TPRG1: variants seen among roughly 807,000 people sequenced by gnomAD.
The protein encoded by TPRG1 is tumor protein p63-regulated gene 1 protein.
TPRG1 carries 29 observed loss-of-function variants against 29.3 expected under a neutral mutation model. The ratio of observed to expected loss-of-function variants is 0.99; its 90% CI spans 0.74 to 1.35. TPRG1 has a LOEUF of 1.35. Among genes scored for constraint, TPRG1 ranks in the 40% most tolerant of loss-of-function variants. TPRG1 has a pLI of 0.00. For missense variants in TPRG1, 327 were observed against 335.0 expected (o/e 0.98, Z 0.19); for synonymous variants, 130 against 116.8 (o/e 1.11, Z -0.73).
At chr3:189,226,365 TA>T (rs546125380) in intron 3 of TPRG1, among the ~76,000 whole-genome samples, 25 of 151,528 alleles carry the variant, frequency 1.6e-4, no homozygotes, top group South Asian at 1.3e-3. Flanking sequence ...AAATAAATAA[TA>T]AAAAAAATAG....
At chr3:189,040,449 C>T (rs1220993654) in intron 4 of TPRG1, among the ~76,000 whole-genome samples, 2 of 152,040 alleles carry the variant, frequency 1.3e-5, no homozygotes, top group Non-Finnish European at 2.9e-5. Flanking sequence ...TGGTATTCCC[C>T]ATGGATGGTG....
chr3:189,119,029 C>T (rs1721514830), intron 1 of TPRG1, among the ~76,000 whole-genome samples: 2 of 152,226 alleles, frequency 1.3e-5, no homozygotes, highest in Non-Finnish European at 2.9e-5. Context: ...AAGCCACAGG[C>T]ACTCAGTGGC....
At chr3:189,283,791 C>T (rs1012420708) in intron 4 of TPRG1, among the ~76,000 whole-genome samples, 3 of 152,138 alleles carry the variant, frequency 2.0e-5, no homozygotes, top group East Asian at 1.9e-4. Flanking sequence ...ATCAGAAAAA[C>T]GTGAGGCACG....
At chr3:189,098,750 A>G (rs1044291768), upstream of TPRG1, among the ~76,000 whole-genome samples, 1 of 152,140 alleles carries the variant, frequency 6.6e-6, no homozygotes, top group Non-Finnish European at 1.5e-5. Flanking sequence ...ATTCTAAACT[A>G]ATTTCCAAGC....
rs1025304154 is a variant in TPRG1 at position 189,312,121 on chromosome 3, C to G, written c.633+1582C>G. On this transcript the variant is annotated intron_variant, in intron 5 of 5. Coordinates refer to ENST00000345063, the MANE Select transcript of TPRG1 (RefSeq NM_198485.4). ...TGTTTCTTTGTTTCTTTCTTTGTTTCTTTCTTTCTTTCTTTCTTTCTTTCT... is the reference window on the plus strand; with the variant it reads ...TGTTTCTTTGTTTCTTTCTTTGTTTGTTTCTTTCTTTCTTTCTTTCTTTCT... Among the ~76,000 whole-genome samples the G allele has an allele frequency of 1.3e-3, 45 of 35,118 alleles. 1 individual carries two copies. Among genetic ancestry groups the G allele is most frequent in the African/African-American group, 4.3e-3 (33 of 7,628 alleles). 23.0% of individuals were successfully genotyped at this position (35,118 alleles called of 152,430 possible).
At chr3:189,137,722 T>G (rs1402943151) in intron 3 of TPRG1, among the ~76,000 whole-genome samples, 1 of 152,174 alleles carries the variant, frequency 6.6e-6, no homozygotes, top group Non-Finnish European at 1.5e-5. Flanking sequence ...TCCGCATGTC[T>G]ACAACACTTT....
At chr3:189,112,189 G>T (rs1238004091) in intron 1 of TPRG1, among the ~76,000 whole-genome samples, 3 of 152,056 alleles carry the variant, frequency 2.0e-5, no homozygotes, top group African/African-American at 7.2e-5. Context: ...ATAGGCTATT[G>T]AATTTTATTT....
intron 5 of TPRG1, among the ~76,000 whole-genome samples, chr3:189,317,299 G>A (rs1203626323): frequency 1.3e-5 from 2 of 152,164 alleles, no homozygotes; most frequent in Admixed American, 6.5e-5. Flanking sequence ...TAATGATGAT[G>A]AGGATGATGT....
chr3:189,098,569 C>A (rs1343322050), upstream of TPRG1, among the ~76,000 whole-genome samples: 1 of 152,062 alleles, frequency 6.6e-6, no homozygotes, highest in Non-Finnish European at 1.5e-5. Context: ...TGAGTAAAAT[C>A]TTGGGTGTTC....
In TPRG1 at chr3:189,014,869, A is replaced by G. The variant is rs74687346; in HGVS notation, c.-659-8881A>G. ...CTTCATAAATTACTCAGTCTCAGGT[A>G]GTACTTTATAGCAGTGAGAAAATGG... On this transcript the variant is annotated intron_variant, in intron 3 of 10. Transcript: ENST00000433971. Among the ~76,000 whole-genome samples, 1,273 of 152,250 alleles carry G rather than the reference A, an allele frequency of 8.4e-3. 25 individuals are homozygous for G. Among genetic ancestry groups the G allele is most frequent in the African/African-American group, 0.029 (1,209 of 41,538 alleles).
intron 3 of TPRG1, among the ~76,000 whole-genome samples, chr3:189,010,382 C>T (rs1453266354): frequency 6.6e-6 from 1 of 152,192 alleles, no homozygotes; most frequent in Non-Finnish European, 1.5e-5. Flanking sequence ...AATGGCTGAG[C>T]TAATTCACAC....
At chr3:189,262,666 C>T (rs1378453621) in intron 4 of TPRG1, among the ~76,000 whole-genome samples, 1 of 152,186 alleles carries the variant, frequency 6.6e-6, no homozygotes, top group African/African-American at 2.4e-5. Context: ...TGCTATGTTT[C>T]AACTTACCTG....
intron 1 of TPRG1, among the ~76,000 whole-genome samples, chr3:189,104,581 C>T (rs1407328612): frequency 2.6e-5 from 4 of 151,832 alleles, no homozygotes; most frequent in Middle Eastern, 3.2e-3. Flanking sequence ...AAGAAAGCCC[C>T]GATTTGTACC....
At chr3:189,224,651 G>A (rs1432905515) in intron 3 of TPRG1, among the ~76,000 whole-genome samples, 1 of 152,188 alleles carries the variant, frequency 6.6e-6, no homozygotes, top group Non-Finnish European at 1.5e-5. Context: ...GAATGAGAAC[G>A]TAAAGAATTC....
At chr3:189,081,571 TAC>T (rs1717595620) in intron 4 of TPRG1, among the ~76,000 whole-genome samples, 1 of 152,204 alleles carries the variant, frequency 6.6e-6, no homozygotes, top group African/African-American at 2.4e-5. Context: ...TATTAAATGA[TAC>T]AGAAAAGTTG....
intron 3 of TPRG1, among the ~76,000 whole-genome samples, chr3:189,142,700 G>A (rs936114613): frequency 6.6e-6 from 1 of 152,174 alleles, no homozygotes. Context: ...TCACCCAAAG[G>A]TGTGAAGGAT....
At chr3:189,060,336 A>G (rs1299281527) in intron 4 of TPRG1, among the ~76,000 whole-genome samples, 1 of 152,226 alleles carries the variant, frequency 6.6e-6, no homozygotes, top group Non-Finnish European at 1.5e-5. Flanking sequence ...AGCCAACATC[A>G]TACTGAATGG....
At chr3:189,203,958 A>G (rs1020151286) in intron 1 of TPRG1, among the ~76,000 whole-genome samples, 2 of 147,786 alleles carry the variant, frequency 1.4e-5, no homozygotes, top group East Asian at 2.1e-4. Flanking sequence ...GAAGAATTGC[A>G]TGAACCCAGG....
chr3:189,044,640 G>A (rs1714852748), intron 4 of TPRG1, among the ~76,000 whole-genome samples: 1 of 152,048 alleles, frequency 6.6e-6, no homozygotes, highest in Admixed American at 6.6e-5. Context: ...AAGAGGATAC[G>A]AAGGTTAAGA....
Sources: allele counts gnomAD v4.1 joint callset (sites outside exome capture counted in the v4.1 genomes callset), GRCh38; gene constraint gnomAD v4.1.1; transcripts MANE v1.5; gene names NCBI Gene and HGNC (gene_info 2026-07-23, HGNC 2026-07-21).